MCPH1: variants seen among roughly 807,000 people sequenced by gnomAD.
MCPH1 encodes the protein microcephalin 1.
In MCPH1, 104 loss-of-function variants were observed where a neutral mutation model predicts 84.5. That is an observed-to-expected ratio of 1.23 (90% CI 1.05 to 1.45). MCPH1 has a LOEUF of 1.45. MCPH1 is among the 40% of genes most tolerant of loss of function. The pLI, the probability that MCPH1 is intolerant of heterozygous loss-of-function variation, is 0.00. For missense variants in MCPH1, 1,498 were observed against 1,005.7 expected (o/e 1.49, Z -6.62); for synonymous variants, 514 against 366.8 (o/e 1.40, Z -4.58).
chr8:6,424,455 C>T (rs950539924), intron 3 of MCPH1, among the ~76,000 whole-genome samples: 16 of 152,156 alleles, frequency 1.1e-4, no homozygotes, highest in African/African-American at 3.6e-4. Flanking sequence ...TACCACGGCT[C>T]CTTTCCTCCC....
chr8:6,642,798 T>C (rs980031426), intron 13 of MCPH1, 196 bp from the exon 14 acceptor site: 2 of 641,608 alleles, frequency 3.1e-6, no homozygotes, highest in Non-Finnish European at 5.7e-6. Flanking sequence ...GAGAACTGAA[T>C]GTTTCATTGT....
intron 12 of MCPH1, among the ~76,000 whole-genome samples, chr8:6,530,508 CAAA>C (rs55729820): frequency 7.4e-4 from 73 of 98,032 alleles, no homozygotes; most frequent in South Asian, 3.3e-3. Context: ...GACTCTGTCT[CAAA>C]AAAAAAAAAA....
chr8:6,493,222 G>A (rs72624100), intron 11 of MCPH1, among the ~76,000 whole-genome samples: 14,190 of 152,184 alleles, frequency 0.093, 1,141 homozygotes, highest in East Asian at 0.22. Context: ...TTGCTTAGCT[G>A]TATTTATAAA....
At chr8:6,480,923 T>C in intron 11 of MCPH1, 47 bp downstream of exon 11, 2 of 1,603,952 alleles carry the variant, frequency 1.2e-6, no homozygotes, top group Non-Finnish European at 1.7e-6. Flanking sequence ...GGCATTTTGA[T>C]AGAGTGGGTC....
intron 13 of MCPH1, chr8:6,627,271 T>A (rs1796807154): frequency 1.0e-6 from 1 of 985,252 alleles, no homozygotes; most frequent in African/African-American, 1.7e-5. Flanking sequence ...ATTGCCTCGA[T>A]AAGGAACCAG....
chr8:6,459,632 TTA>T (rs1215108190), intron 9 of MCPH1, among the ~76,000 whole-genome samples: 2 of 152,214 alleles, frequency 1.3e-5, no homozygotes, highest in Non-Finnish European at 2.9e-5. Flanking sequence ...CCTGACATTT[TTA>T]TGTTTTCACT....
intron 11 of MCPH1, among the ~76,000 whole-genome samples, chr8:6,498,690 T>C (rs1811576999): frequency 6.6e-6 from 1 of 152,232 alleles, no homozygotes; most frequent in African/African-American, 2.4e-5. Flanking sequence ...GTACTATTCT[T>C]TTACGTTGCC....
At chr8:6,641,837 A>G (rs1797957931) in intron 13 of MCPH1, among the ~76,000 whole-genome samples, 1 of 152,230 alleles carries the variant, frequency 6.6e-6, no homozygotes, top group Non-Finnish European at 1.5e-5. Context: ...TATTGTTATA[A>G]TTATATACAA....
chr8:6,605,952 C>A (rs931866242), intron 12 of MCPH1, among the ~76,000 whole-genome samples: 10 of 152,160 alleles, frequency 6.6e-5, no homozygotes, highest in Admixed American at 5.2e-4. Flanking sequence ...CCCCCTTGGC[C>A]CCCCAGAATG....
At chr8:6,626,227 A>C (rs563138725) in intron 13 of MCPH1, 1 of 985,372 alleles carries the variant, frequency 1.0e-6, no homozygotes, top group African/African-American at 1.7e-5. Flanking sequence ...CAGGGAGTGG[A>C]GGTGTGAAGT....
chr8:6,545,461 G>A (rs1357344338), intron 12 of MCPH1, among the ~76,000 whole-genome samples: 1 of 152,176 alleles, frequency 6.6e-6, no homozygotes, highest in African/African-American at 2.4e-5. Context: ...TGTCTCTGCA[G>A]TTTTCATCTA....
At chr8:6,490,952 C>A (rs980726024) in intron 11 of MCPH1, among the ~76,000 whole-genome samples, 3 of 11,684 alleles carry the variant, frequency 2.6e-4, no homozygotes, top group East Asian at 0.037. Context: ...AATATAATAT[C>A]AATAATGCTA....
chr8:6,435,918 A>C, intron 4 of MCPH1, 130 bp from the exon 5 acceptor site: 2 of 1,092,752 alleles, frequency 1.8e-6, no homozygotes, highest in South Asian at 3.0e-5. Flanking sequence ...CATACAGTGC[A>C]AGAAACACCT....
chr8:6,430,327 G>A (rs560119971), intron 3 of MCPH1, among the ~76,000 whole-genome samples: 1 of 152,300 alleles, frequency 6.6e-6, no homozygotes, highest in South Asian at 2.1e-4. Context: ...TATTGGGGTG[G>A]CACATGTCGT....
intron 5 of MCPH1, among the ~76,000 whole-genome samples, chr8:6,437,974 C>T (rs1726246796): frequency 6.6e-6 from 1 of 152,164 alleles, no homozygotes; most frequent in African/African-American, 2.4e-5. Flanking sequence ...CATCCCCTCC[C>T]TGGTTTAAAA....
chr8:6,462,633 G>A (rs1806406326), intron 9 of MCPH1, among the ~76,000 whole-genome samples: 1 of 152,126 alleles, frequency 6.6e-6, no homozygotes, highest in African/African-American at 2.4e-5. Context: ...CAGATGCCTG[G>A]GTTCAGTCCC....
chr8:6,617,829 A>C lies in MCPH1; in HGVS notation c.2215-3625A>C, dbSNP rs1473802396. The stretch of plus-strand genomic sequence containing the variant: ...GTAGCGGAAACTATAGGCATGTGAC[A>C]CCATGCCGGGCTTGCTTATCTATGT... On this transcript the variant is annotated intron_variant, in intron 12 of 13. Transcript: ENST00000344683. Among the ~76,000 whole-genome samples the C allele has an allele frequency of 2.0e-5, 3 of 151,980 alleles. No homozygotes were observed. In the East Asian group the frequency reaches 5.8e-4, roughly 29 times the overall value.
intron 13 of MCPH1, 103 bp from the exon 14 acceptor site, chr8:6,642,891 C>A: frequency 9.3e-7 from 1 of 1,073,822 alleles, no homozygotes; most frequent in Non-Finnish European, 1.4e-6. Flanking sequence ...CAGCTCTTGG[C>A]TATTTGTTTT....
At chr8:6,626,101 A>G (rs1832048654) in intron 13 of MCPH1, 22 of 985,216 alleles carry the variant, frequency 2.2e-5, no homozygotes, top group Admixed American at 6.1e-5. Context: ...CTCCATATCT[A>G]TGACGATAAA....
Sources: allele counts gnomAD v4.1 joint callset (sites outside exome capture counted in the v4.1 genomes callset), GRCh38; gene constraint gnomAD v4.1.1; transcripts MANE v1.5; gene names NCBI Gene and HGNC (gene_info 2026-07-23, HGNC 2026-07-21).